Variants in CATSPERB observed in about 807,000 individuals in gnomAD.
CATSPERB encodes catsper channel auxiliary subunit beta.
A neutral mutation model predicts 128.3 loss-of-function variants in CATSPERB; 93 were observed. That is an observed-to-expected ratio of 0.72 (90% confidence interval 0.61 to 0.86). CATSPERB has a LOEUF of 0.86. Ranked by LOEUF, CATSPERB falls within the 40% of genes least tolerant of loss-of-function variation. CATSPERB has a pLI of 0.00. For missense variants in CATSPERB, 1,153 were observed against 1,329.5 expected (o/e 0.87, Z 2.06); for synonymous variants, 381 against 448.8 (o/e 0.85, Z 1.91).
At chr14:91,694,163 G>T (rs1184866174) in intron 7 of CATSPERB, among the ~76,000 whole-genome samples, 2 of 151,786 alleles carry the variant, frequency 1.3e-5, no homozygotes, top group African/African-American at 4.8e-5. Flanking sequence ...CTGTTATTTG[G>T]GCTGGGCATG....
intron 22 of CATSPERB, chr14:91,604,658 C>T (rs966993216): frequency 1.6e-5 from 26 of 1,612,244 alleles, no homozygotes; most frequent in Non-Finnish European, 2.0e-5. Flanking sequence ...CTGAGTGTTC[C>T]AGGAGTGGTT....
At chr14:91,584,073 C>CA (rs1566692305) in intron 26 of CATSPERB, among the ~76,000 whole-genome samples, 3 of 150,006 alleles carry the variant, frequency 2.0e-5, no homozygotes, top group Non-Finnish European at 4.5e-5. Flanking sequence ...CTTTTTTTTC[C>CA]TTTTTTTTTG....
chr14:91,720,192 A>G lies in CATSPERB; in HGVS notation c.310-714T>C, dbSNP rs147300445. On this transcript the variant is annotated intron_variant, in intron 4 of 26. Transcript: ENST00000256343. Reference sequence around the variant, plus strand: ...CATCCAGAGAAAAATAACATATTACATACAGGAGACAATCGTAAAATTAAC... The same window carrying G: ...CATCCAGAGAAAAATAACATATTACGTACAGGAGACAATCGTAAAATTAAC... 1.8e-3 allele frequency among the ~76,000 whole-genome samples: 273 copies of G among 152,202 alleles called. 2 individuals are homozygous for G. Among genetic ancestry groups the G allele is most frequent in the African/African-American group, 5.7e-3 (236 of 41,546 alleles).
chr14:91,727,444 C>T (rs1896135338), intron 2 of CATSPERB, among the ~76,000 whole-genome samples: 2 of 152,118 alleles, frequency 1.3e-5, no homozygotes. Context: ...GTTACTCATT[C>T]TGTTTGTATA....
intron 5 of CATSPERB, chr14:91,709,522 T>TAAAAAAAAAAA (rs1895795997): frequency 1.6e-4 from 1 of 6,416 alleles, no homozygotes; most frequent in African/African-American, 4.1e-4. Context: ...CTACTAAAAA[T>TAAAAAAAAAAA]ACAAAAAAAA....
intron 9 of CATSPERB, among the ~76,000 whole-genome samples, chr14:91,692,626 T>C (rs907874281): frequency 6.6e-6 from 1 of 152,232 alleles, no homozygotes; most frequent in African/African-American, 2.4e-5. Flanking sequence ...CGATCCCAAG[T>C]CTTTATTGCT....
At chr14:91,695,675 C>T (rs1895551578) in intron 7 of CATSPERB, among the ~76,000 whole-genome samples, 1 of 152,150 alleles carries the variant, frequency 6.6e-6, no homozygotes. Context: ...AGGGAAGCCA[C>T]AGGAGTGTTG....
chr14:91,693,563 C>A, intron 7 of CATSPERB, 84 bp from the exon 8 acceptor site: 1 of 886,638 alleles, frequency 1.1e-6, no homozygotes, highest in East Asian at 2.4e-5. Context: ...GAGTCCGTTC[C>A]AACTCCCTCT....
At chr14:91,690,621 T>A (rs1373952023) in intron 10 of CATSPERB, among the ~76,000 whole-genome samples, 1 of 152,254 alleles carries the variant, frequency 6.6e-6, no homozygotes, top group South Asian at 2.1e-4. Flanking sequence ...ATGCAAATCA[T>A]TTTTGCCCAT....
intron 22 of CATSPERB, among the ~76,000 whole-genome samples, chr14:91,598,857 CAAAAAAAAAAAAA>C (rs377460093): frequency 1.8e-5 from 2 of 110,066 alleles, no homozygotes; most frequent in African/African-American, 7.0e-5. Flanking sequence ...GACTCTGTCT[CAAAAAAAAAAAAA>C]AAAAAAGGAA....
intron 4 of CATSPERB, among the ~76,000 whole-genome samples, chr14:91,721,776 G>A (rs1896035550): frequency 6.6e-6 from 1 of 151,734 alleles, no homozygotes; most frequent in South Asian, 2.1e-4. Flanking sequence ...CGTGAACCCG[G>A]GAGGCAGAGC....
intron 15 of CATSPERB, among the ~76,000 whole-genome samples, chr14:91,644,413 C>T (rs988480476): frequency 1.3e-5 from 2 of 149,654 alleles, no homozygotes; most frequent in Non-Finnish European, 3.0e-5. Flanking sequence ...CTGGTGATGA[C>T]AAAATCTCTC....
chr14:91,701,027 TA>T (rs1474636617), intron 7 of CATSPERB, among the ~76,000 whole-genome samples: 2 of 152,068 alleles, frequency 1.3e-5, no homozygotes, highest in African/African-American at 4.8e-5. Context: ...AGGAGTAAGA[TA>T]GGGGAAAGAT....
At chr14:91,715,314 C>T (rs1207562443) in intron 5 of CATSPERB, among the ~76,000 whole-genome samples, 2 of 151,966 alleles carry the variant, frequency 1.3e-5, no homozygotes, top group Non-Finnish European at 2.9e-5. Flanking sequence ...ATAATCCTAG[C>T]ACTTTGGGAG....
At chr14:91,695,562 A>C (rs1432427996) in intron 7 of CATSPERB, among the ~76,000 whole-genome samples, 1 of 152,218 alleles carries the variant, frequency 6.6e-6, no homozygotes, top group Non-Finnish European at 1.5e-5. Context: ...ATATTTACAG[A>C]CTAAAATTAA....
chr14:91,591,763 A>C, intron 23 of CATSPERB, 129 bp downstream of exon 23: 1 of 667,554 alleles, frequency 1.5e-6, no homozygotes, highest in Non-Finnish European at 2.6e-6. Context: ...GCTCGGTGTC[A>C]TATTTAGCTC....
intron 11 of CATSPERB, among the ~76,000 whole-genome samples, chr14:91,675,685 T>G (rs1317628219): frequency 6.6e-6 from 1 of 152,230 alleles, no homozygotes; most frequent in Non-Finnish European, 1.5e-5. Context: ...GTATGTGATC[T>G]ACATTTGGGC....
intron 7 of CATSPERB, among the ~76,000 whole-genome samples, chr14:91,702,524 T>C (rs1014196730): frequency 6.6e-6 from 1 of 151,962 alleles, no homozygotes; most frequent in African/African-American, 2.4e-5. Flanking sequence ...ACTGTTTTAA[T>C]CTATTGCTTT....
At chr14:91,621,332 G>A (rs1894037952) in intron 19 of CATSPERB, among the ~76,000 whole-genome samples, 1 of 152,158 alleles carries the variant, frequency 6.6e-6, no homozygotes, top group South Asian at 2.1e-4. Context: ...CCCAGGAGGT[G>A]GAGGCTGCAG....
Sources: allele counts gnomAD v4.1 joint callset (sites outside exome capture counted in the v4.1 genomes callset), GRCh38; gene constraint gnomAD v4.1.1; transcripts MANE v1.5; gene names NCBI Gene and HGNC (gene_info 2026-07-23, HGNC 2026-07-21).